MTUS2: variants seen among roughly 807,000 people sequenced by gnomAD.
MTUS2 encodes microtubule associated scaffold protein 2.
MTUS2 carries 40 observed loss-of-function variants against 114.1 expected under a neutral mutation model. That is an observed-to-expected ratio of 0.35 (90% CI 0.27 to 0.46). MTUS2 has a LOEUF of 0.46. MTUS2 is among the 20% of genes least tolerant of loss of function. MTUS2 has a pLI of 1.00. For synonymous variants in MTUS2, 688 were observed against 672.0 expected (o/e 1.02, Z -0.37); for missense variants, 1,679 against 1,705.4 (o/e 0.98, Z 0.27).
intron 5 of MTUS2, among the ~76,000 whole-genome samples, chr13:29,271,593 T>G (rs1045665139): frequency 5.9e-5 from 9 of 152,230 alleles, no homozygotes; most frequent in Non-Finnish European, 1.3e-4. Flanking sequence ...ACTTTCTTCC[T>G]GTTTATTGGA....
At chr13:29,020,202 C>T (rs190388486) in intron 2 of MTUS2, among the ~76,000 whole-genome samples, 1 of 152,208 alleles carries the variant, frequency 6.6e-6, no homozygotes, top group Non-Finnish European at 1.5e-5. Context: ...TCAATTACTT[C>T]TAAGGCCATT....
intron 2 of MTUS2, among the ~76,000 whole-genome samples, chr13:28,986,274 T>A (rs1209978092): frequency 2.0e-5 from 3 of 152,066 alleles, no homozygotes; most frequent in Non-Finnish European, 2.9e-5. Context: ...CCAGTACACA[T>A]CTGGATGACA....
At chr13:28,859,239 C>G (rs1876824246) in intron 2 of MTUS2, among the ~76,000 whole-genome samples, 1 of 152,186 alleles carries the variant, frequency 6.6e-6, no homozygotes, top group African/African-American at 2.4e-5. Context: ...GTGGTCAGTA[C>G]TACAGGGGTG....
At chr13:28,987,495 G>T (rs974578781) in intron 2 of MTUS2, among the ~76,000 whole-genome samples, 2 of 152,084 alleles carry the variant, frequency 1.3e-5, no homozygotes, top group Non-Finnish European at 2.9e-5. Flanking sequence ...AAAGAGACAT[G>T]AAATGAAAAG....
chr13:29,058,195 T>A (rs908736400), intron 4 of MTUS2, among the ~76,000 whole-genome samples: 62 of 143,114 alleles, frequency 4.3e-4, no homozygotes, highest in Admixed American at 9.6e-4. Context: ...TCTCTCTAGC[T>A]GCCTTTAACA....
At chr13:28,945,286 C>T (rs990385581) in intron 2 of MTUS2, among the ~76,000 whole-genome samples, 7 of 72,722 alleles carry the variant, frequency 9.6e-5, no homozygotes, top group South Asian at 4.8e-4. Flanking sequence ...AATAAACATA[C>T]GAGGGAAGGT....
chr13:29,244,737 A>G (rs1896849283), intron 5 of MTUS2, among the ~76,000 whole-genome samples: 1 of 151,792 alleles, frequency 6.6e-6, no homozygotes, highest in Non-Finnish European at 1.5e-5. Context: ...CGGGCGGATC[A>G]CGAGGTCAGG....
intron 9 of MTUS2, among the ~76,000 whole-genome samples, chr13:29,442,740 G>T (rs1203867708): frequency 1.3e-5 from 2 of 152,240 alleles, no homozygotes; most frequent in African/African-American, 4.8e-5. Flanking sequence ...CACACAGTTT[G>T]CAAACCACAG....
intron 9 of MTUS2, among the ~76,000 whole-genome samples, chr13:29,463,094 G>A (rs1052748226): frequency 6.6e-6 from 1 of 152,156 alleles, no homozygotes; most frequent in African/African-American, 2.4e-5. Context: ...AGGTCACAGA[G>A]AGATTTGCTA....
intron 2 of MTUS2, among the ~76,000 whole-genome samples, chr13:29,013,400 A>C (rs1035643560): frequency 1.3e-5 from 2 of 152,164 alleles, no homozygotes; most frequent in East Asian, 1.9e-4. Flanking sequence ...AACTAAATTT[A>C]AAAAAATTGC....
intron 7 of MTUS2, among the ~76,000 whole-genome samples, chr13:29,347,299 A>G (rs1443900991): frequency 6.6e-6 from 1 of 152,182 alleles, no homozygotes; most frequent in East Asian, 1.9e-4. Flanking sequence ...TGTTTAGTAC[A>G]TAAATTTCTC....
rs1383732187 is a variant in MTUS2, at chr13:29,129,953, G to T, written c.2644+28983G>T. On this transcript the variant is annotated intron_variant, in intron 5 of 15. Transcript: ENST00000612955. Reference sequence around the variant, plus strand: ...TAGGTGAAACCCCAAGACCTTTCTCGGTACTGGGGAGGCCTTACTGCTGTT... The same window carrying T: ...TAGGTGAAACCCCAAGACCTTTCTCTGTACTGGGGAGGCCTTACTGCTGTT... Among the ~76,000 whole-genome samples, 7 of 152,104 alleles carry T rather than the reference G, an allele frequency of 4.6e-5. No homozygotes were observed. The East Asian group carries it at 1.3e-3, about 29-fold the overall frequency.
At chr13:29,389,325 G>GTGTATATA (rs1566172322) in intron 8 of MTUS2, among the ~76,000 whole-genome samples, 1 of 78,440 alleles carries the variant, frequency 1.3e-5, no homozygotes, top group East Asian at 3.7e-4. Flanking sequence ...ATACACATAT[G>GTGTATATA]TGTGTATATA....
intron 7 of MTUS2, among the ~76,000 whole-genome samples, chr13:29,338,204 C>T (rs1363437112): frequency 2.0e-5 from 3 of 152,166 alleles, no homozygotes; most frequent in Admixed American, 2.0e-4. Context: ...ATTCTCCTAA[C>T]AGTACATTTT....
chr13:29,285,907 A>C (rs1275255345), intron 6 of MTUS2, among the ~76,000 whole-genome samples: 1 of 152,200 alleles, frequency 6.6e-6, no homozygotes, highest in African/African-American at 2.4e-5. Flanking sequence ...AACACTGGCT[A>C]TATGGTGATA....
intron 2 of MTUS2, among the ~76,000 whole-genome samples, chr13:28,923,092 G>A (rs1430785770): frequency 6.6e-6 from 1 of 152,048 alleles, no homozygotes; most frequent in Non-Finnish European, 1.5e-5. Flanking sequence ...TAAAGTTTAT[G>A]TATTCTCTCC....
At chr13:28,844,724 C>T (rs1315249180) in intron 2 of MTUS2, among the ~76,000 whole-genome samples, 2 of 152,098 alleles carry the variant, frequency 1.3e-5, no homozygotes, top group Non-Finnish European at 2.9e-5. Context: ...TCAGGTAATT[C>T]TCATGCCTCA....
intron 2 of MTUS2, among the ~76,000 whole-genome samples, chr13:28,994,752 GT>G (rs1401707015): frequency 1.3e-5 from 2 of 152,096 alleles, no homozygotes; most frequent in Non-Finnish European, 2.9e-5. Flanking sequence ...GGGGTTGTTT[GT>G]TTTTTTCTTG....
chr13:29,070,629 T>A (rs1416484833), intron 4 of MTUS2, among the ~76,000 whole-genome samples: 1 of 152,068 alleles, frequency 6.6e-6, no homozygotes, highest in Non-Finnish European at 1.5e-5. Flanking sequence ...CGTGAGAATG[T>A]GTGTCAGAGA....
Sources: gnomAD v4.1 joint callset for allele counts (sites outside exome capture counted in the v4.1 genomes callset) on GRCh38, gnomAD v4.1.1 for gene constraint, MANE v1.5 for transcripts, NCBI Gene and HGNC (gene_info 2026-07-23, HGNC 2026-07-21) for gene names.